TBX10: variants seen among roughly 807,000 people sequenced by gnomAD.
TBX10 encodes T-box transcription factor TBX10.
TBX10 carries 26 observed loss-of-function variants against 32.4 expected under a neutral mutation model. That is an observed-to-expected ratio of 0.80 (90% CI 0.59 to 1.11). TBX10 has a LOEUF of 1.11. Among genes scored for constraint, TBX10 ranks in the 50% most tolerant of loss-of-function variants. The probability of loss-of-function intolerance (pLI) is 0.00; values close to 1 mark genes in which losing one functional copy is unlikely to be tolerated. For synonymous variants in TBX10, 195 were observed against 203.1 expected (o/e 0.96, Z 0.34); for missense variants, 490 against 494.5 (o/e 0.99, Z 0.09).
upstream of TBX10, among the ~76,000 whole-genome samples, chr11:67,640,798 G>C (rs908992448): frequency 1.3e-5 from 2 of 152,122 alleles, no homozygotes; most frequent in Non-Finnish European, 2.9e-5. Context: ...GGGCGGCAGG[G>C]CTGCTTCTCC....
At chr11:67,634,117 G>A in intron 4 of TBX10, 72 bp downstream of exon 4, 10 of 1,593,540 alleles carry the variant, frequency 6.3e-6, no homozygotes, top group South Asian at 4.4e-5. Context: ...GGGCACCAAG[G>A]CCATTGGACA....
rs1160921217 is a variant in TBX10, at chr11:67,639,720, G to A, written c.-248C>T. Among the ~76,000 whole-genome samples, 4 of 152,340 alleles carry A rather than the reference G, an allele frequency of 2.6e-5. No homozygotes were observed. The highest frequency in any genetic ancestry group is 9.6e-5 in the African/African-American group (4 of 41,576). ...TCTCCGAAGGTGAGATGCAGGCTCT[G>A]GGGCGTGCAGCGGCCCTTCTCCAAG... On this transcript the variant is annotated 5_prime_UTR_variant, in exon 1 of 8. Transcript: ENST00000335385.
chr11:67,638,238 T>TAA (rs1436096156), intron 1 of TBX10, among the ~76,000 whole-genome samples: 4 of 146,352 alleles, frequency 2.7e-5, no homozygotes, highest in Admixed American at 1.3e-4. Context: ...AATAAATAAA[T>TAA]ATAAATAAAT....
chr11:67,640,273 G>T (rs913134206), upstream of TBX10, among the ~76,000 whole-genome samples: 1 of 152,238 alleles, frequency 6.6e-6, no homozygotes, highest in South Asian at 2.1e-4. Flanking sequence ...GCTGCGCAAC[G>T]CTGGCAGGTC....
upstream of TBX10, among the ~76,000 whole-genome samples, chr11:67,641,357 C>G (rs988816808): frequency 1.3e-5 from 2 of 152,236 alleles, no homozygotes; most frequent in African/African-American, 4.8e-5. Flanking sequence ...AGCCTGCTGA[C>G]TCGCCACATG....
intron 1 of TBX10, 27 bp from the exon 2 acceptor site, chr11:67,635,290 C>T (rs1329249810): frequency 1.2e-6 from 2 of 1,612,308 alleles, no homozygotes; most frequent in Non-Finnish European, 1.7e-6. Context: ...GAAGTGTGGG[C>T]CCCACGCATC....
At chr11:67,632,560 C>A (rs1218371889) in intron 6 of TBX10, 43 bp downstream of exon 6, 4 of 1,608,124 alleles carry the variant, frequency 2.5e-6, no homozygotes, top group Admixed American at 1.7e-5. Context: ...TTAGGATATG[C>A]CTGGGGTGGG....
chr11:67,637,356 ATT>A (rs34557801), intron 1 of TBX10, among the ~76,000 whole-genome samples: 7 of 151,950 alleles, frequency 4.6e-5, no homozygotes, highest in Non-Finnish European at 1.0e-4. Flanking sequence ...CAGCAAGGCC[ATT>A]TTTTTTTACT....
At chr11:67,641,319 A>G (rs1855402382), upstream of TBX10, among the ~76,000 whole-genome samples, 1 of 152,106 alleles carries the variant, frequency 6.6e-6, no homozygotes, top group African/African-American at 2.4e-5. Flanking sequence ...GCTAACCCAC[A>G]TGCACGCAGA....
At position 67,632,740 on chromosome 11, in the gene TBX10, C is replaced by T. The variant is rs543616198; in HGVS notation, c.706-70G>A. On this transcript the variant is annotated intron_variant, in intron 5 of 7. Coordinates refer to ENST00000335385, the MANE Select transcript of TBX10 (RefSeq NM_005995.5). ...TCAGCCACCTTGTCCTCCCGGGAAC[C>T]GGCAGTCAGGAGGCCCTGGCACCTG... 157 of 1,598,508 alleles carry T rather than the reference C, an allele frequency of 9.8e-5. 1 individual carries two copies. Among genetic ancestry groups the T allele is most frequent in the African/African-American group, 7.6e-4 (57 of 74,738 alleles).
intron 4 of TBX10, among the ~76,000 whole-genome samples, 157 bp from the exon 5 acceptor site, chr11:67,633,260 C>T (rs1413831095): frequency 2.0e-5 from 3 of 152,076 alleles, no homozygotes; most frequent in Non-Finnish European, 4.4e-5. Context: ...GCTGCAGTTC[C>T]GTGTCAAAGG....
At chr11:67,641,395 A>G (rs1803666247), upstream of TBX10, among the ~76,000 whole-genome samples, 1 of 152,184 alleles carries the variant, frequency 6.6e-6, no homozygotes, top group African/African-American at 2.4e-5. Flanking sequence ...TTCTGTGCAC[A>G]TGGACTTACC....
chr11:67,631,463 G>A lies in TBX10; in HGVS notation c.*142C>T. Reference sequence around the variant, plus strand: ...GGTCCCAGCCTTGCTGTGACCCTGGGCAGGTAGCCTCTTTCTCTAGACTTT... The same window carrying A: ...GGTCCCAGCCTTGCTGTGACCCTGGACAGGTAGCCTCTTTCTCTAGACTTT... On this transcript the variant is annotated 3_prime_UTR_variant, in exon 8 of 8. Transcript: ENST00000335385. The A allele has an allele frequency of 9.2e-7, 1 of 1,091,054 alleles. No homozygotes were observed. Among genetic ancestry groups the A allele is most frequent in the African/African-American group, 1.6e-5 (1 of 64,194 alleles). The allele number at this position is 1,091,054 out of a possible 1,614,324, so 67.6% of individuals were successfully genotyped here.
At position 67,631,606 on chromosome 11, in the gene TBX10, C is replaced by A. The variant is rs1238210918; in HGVS notation, c.1157G>T (p.Ter386LeuextTer39). 1 of 1,594,376 alleles carries A rather than the reference C, an allele frequency of 6.3e-7. No homozygotes were observed. Among genetic ancestry groups the A allele is most frequent in the Non-Finnish European group, 8.5e-7 (1 of 1,175,334 alleles). Residue 386 changes from the stop codon to leucine, a stop_lost, in exon 8 of 8, where the codon TGA becomes TTA. Coordinates refer to ENST00000335385, the MANE Select transcript of TBX10 (RefSeq NM_005995.5). ...VCLGPGQDSQ[*>L] is the part of the protein sequence containing the mutation. ...GGCTTCCCCCCAGGGCTTCTGGCAT[C>A]ACTGGGAGTCCTGGCCAGGCCCCAG...
At chr11:67,639,393 T>TTCCCCGCGGGGGCCCC in intron 1 of TBX10, 73 bp downstream of exon 1, 1 of 726,926 alleles carries the variant, frequency 1.4e-6, no homozygotes, top group Non-Finnish European at 2.5e-6. Flanking sequence ...CTGTCTTGGT[T>TTCCCCGCGGGGGCCCC]CCCACCCTGC....
rs1164106643 is a variant in TBX10, at chr11:67,634,276, C to T, written c.462G>A (p.Ser154=). ...GCATCCACTGGGCACCCTTGGCTGG[C>T]GAGTCGGGGTGGAAGTGCACGCGGC... The part of the protein sequence containing the change: ...TPGRVHFHPD[S]PAKGAQWMRQ... The change falls in exon 4 of 8, where the codon TCG becomes TCA. Residue 154 remains serine (S), a synonymous_variant. Coordinates refer to ENST00000335385, the MANE Select transcript of TBX10 (RefSeq NM_005995.5). The T allele has an allele frequency of 5.6e-6, 9 of 1,612,652 alleles. No homozygotes were observed. The highest frequency in any genetic ancestry group is 2.2e-5 in the South Asian group (2 of 91,086).
In TBX10 at chr11:67,631,851, C is replaced by T. The variant is rs1205686295; in HGVS notation, c.912G>A (p.Trp304Ter). 2 of 1,579,516 alleles carry T rather than the reference C, an allele frequency of 1.3e-6. No individual in the cohort carries two copies. The highest frequency in any genetic ancestry group is 1.7e-6 in the Non-Finnish European group (2 of 1,162,938). ...ASASTSKTPA[W>*]LHHQLLPPPE... The stretch of plus-strand genomic sequence containing the variant: ...GTGGGGGCAGCAGCTGATGATGGAG[C>T]CAAGCAGGGGTCTTGGAGGTGGAAG... The change falls in exon 8 of 8, where the codon TGG becomes TGA. Residue 304 changes from tryptophan to a stop codon, truncating the protein, a stop_gained. Coordinates refer to ENST00000335385, the MANE Select transcript of TBX10 (RefSeq NM_005995.5). LOFTEE classifies it low-confidence loss of function (END_TRUNC).
intron 4 of TBX10, among the ~76,000 whole-genome samples, chr11:67,633,673 G>A (rs186268483): frequency 3.3e-5 from 5 of 152,322 alleles, no homozygotes; most frequent in Non-Finnish European, 4.4e-5. Flanking sequence ...GGCATGGGCC[G>A]CTGCATCCTC....
At chr11:67,634,426 G>C in intron 3 of TBX10, 66 bp from the exon 4 acceptor site, 1 of 1,577,388 alleles carries the variant, frequency 6.3e-7, no homozygotes, top group Middle Eastern at 1.7e-4. Context: ...ATACAGGCGG[G>C]GTGAAGGGGC....
Sources: allele counts gnomAD v4.1 joint callset (sites outside exome capture counted in the v4.1 genomes callset), GRCh38; gene constraint gnomAD v4.1.1; transcripts MANE v1.5; gene names NCBI Gene and HGNC (gene_info 2026-07-23, HGNC 2026-07-21).